Variants in COMMD10 observed in about 807,000 individuals in gnomAD.
COMMD10 encodes the protein COMM domain containing 10.
Under a neutral mutation model 28.9 loss-of-function variants are expected in COMMD10, and 33 were observed. The observed-to-expected ratio is 1.14, with a 90% CI of 0.87 to 1.53. The LOEUF is 1.53. Among genes scored for constraint, COMMD10 ranks in the 40% most tolerant of loss-of-function variants. The pLI, the probability that COMMD10 is intolerant of heterozygous loss-of-function variation, is 0.00. For missense variants in COMMD10, 310 were observed against 233.4 expected (o/e 1.33, Z -2.14); for synonymous variants, 110 against 81.7 (o/e 1.35, Z -1.87).
intron 5 of COMMD10, among the ~76,000 whole-genome samples, chr5:116,246,975 A>G (rs1749968687): frequency 6.6e-6 from 1 of 152,148 alleles, no homozygotes; most frequent in African/African-American, 2.4e-5. Context: ...AAATTGATAA[A>G]TGCGATCTGA....
At chr5:116,192,606 A>G (rs1459765034) in intron 5 of COMMD10, among the ~76,000 whole-genome samples, 1 of 152,204 alleles carries the variant, frequency 6.6e-6, no homozygotes, top group Non-Finnish European at 1.5e-5. Flanking sequence ...AATTAATCCA[A>G]TCCAACAAAG....
chr5:116,256,065 C>G (rs1300308775), intron 5 of COMMD10, among the ~76,000 whole-genome samples: 1 of 151,582 alleles, frequency 6.6e-6, no homozygotes, highest in Admixed American at 6.6e-5. Context: ...ACTGAAATTA[C>G]CTTCTATAAA....
chr5:116,175,581 A>G (rs1475626428), intron 5 of COMMD10, among the ~76,000 whole-genome samples: 1 of 151,402 alleles, frequency 6.6e-6, no homozygotes. Flanking sequence ...CCATGTTTGT[A>G]GCAGCAGAAT....
intron 5 of COMMD10, among the ~76,000 whole-genome samples, chr5:116,173,811 A>G (rs558817228): frequency 6.8e-6 from 1 of 146,596 alleles, no homozygotes; most frequent in South Asian, 2.2e-4. Flanking sequence ...TTTTTTTCCA[A>G]CTGTTTTTGG....
intron 5 of COMMD10, among the ~76,000 whole-genome samples, chr5:116,196,508 TA>T (rs11455689): frequency 4.9e-4 from 73 of 147,504 alleles, no homozygotes; most frequent in South Asian, 3.9e-3. Flanking sequence ...ATAAATATGT[TA>T]AAAAAAAAAA....
chr5:116,128,207 A>C (rs1751727462), intron 4 of COMMD10, among the ~76,000 whole-genome samples: 1 of 152,020 alleles, frequency 6.6e-6, no homozygotes, highest in South Asian at 2.1e-4. Context: ...TTACAGAGTA[A>C]TTGTAAGAAT....
At chr5:116,095,435 T>C (rs1205797271) in intron 4 of COMMD10, among the ~76,000 whole-genome samples, 1 of 152,218 alleles carries the variant, frequency 6.6e-6, no homozygotes, top group African/African-American at 2.4e-5. Flanking sequence ...GTGTATTAAA[T>C]ACATTTGTGA....
At chr5:116,092,724 A>T (rs774013583) in intron 4 of COMMD10, 24 bp downstream of exon 4, 9 of 1,473,580 alleles carry the variant, frequency 6.1e-6, no homozygotes, top group Non-Finnish European at 8.2e-6. Flanking sequence ...TGTCTTAAAT[A>T]TGTTTTTCAA....
chr5:116,265,156 A>C (rs558495039), intron 5 of COMMD10, among the ~76,000 whole-genome samples: 2 of 151,978 alleles, frequency 1.3e-5, no homozygotes, highest in South Asian at 4.1e-4. Context: ...AGAGAGCTAG[A>C]AATTGCAATT....
At chr5:116,263,852 A>T (rs1278292474) in intron 5 of COMMD10, among the ~76,000 whole-genome samples, 1 of 151,664 alleles carries the variant, frequency 6.6e-6, no homozygotes, top group Non-Finnish European at 1.5e-5. Context: ...AAATATATAA[A>T]ACCAAAATGT....
chr5:116,275,268 A>G (rs1239845750), intron 5 of COMMD10, among the ~76,000 whole-genome samples: 1 of 151,886 alleles, frequency 6.6e-6, no homozygotes, highest in African/African-American at 2.4e-5. Context: ...TCAAGCCACC[A>G]TCATCACAAA....
chr5:116,101,769 C>G (rs934400602), intron 4 of COMMD10, among the ~76,000 whole-genome samples: 3 of 152,170 alleles, frequency 2.0e-5, no homozygotes, highest in Non-Finnish European at 4.4e-5. Context: ...AAGATGATAG[C>G]TCATTGTGGC....
At chr5:116,196,930 TAGG>T (rs1748538794) in intron 5 of COMMD10, among the ~76,000 whole-genome samples, 1 of 152,182 alleles carries the variant, frequency 6.6e-6, no homozygotes, top group Admixed American at 6.5e-5. Flanking sequence ...AAATTAAGCT[TAGG>T]AGCATTTCTG....
chr5:116,186,473 T>C (rs1277257967), intron 5 of COMMD10, among the ~76,000 whole-genome samples: 1 of 152,118 alleles, frequency 6.6e-6, no homozygotes, highest in African/African-American at 2.4e-5. Flanking sequence ...ATCCTTTAAC[T>C]GGGAAACACT....
chr5:116,290,454 T>G (rs1751334517), intron 5 of COMMD10, among the ~76,000 whole-genome samples: 1 of 151,890 alleles, frequency 6.6e-6, no homozygotes, highest in African/African-American at 2.4e-5. Context: ...GTGAGATGCA[T>G]TTTCTGAACA....
chr5:116,185,106 G>A (rs1334416166), intron 5 of COMMD10, among the ~76,000 whole-genome samples: 1 of 152,134 alleles, frequency 6.6e-6, no homozygotes, highest in Non-Finnish European at 1.5e-5. Flanking sequence ...TAGAAAGGGA[G>A]ATATAAGTAC....
chr5:116,278,132 A>G (rs1750969202), intron 5 of COMMD10, among the ~76,000 whole-genome samples: 1 of 151,862 alleles, frequency 6.6e-6, no homozygotes, highest in Admixed American at 6.6e-5. Flanking sequence ...TCAGATATGT[A>G]CTTATCCTTA....
chr5:116,204,674 T>A (rs1406882712), intron 5 of COMMD10, among the ~76,000 whole-genome samples: 1 of 152,170 alleles, frequency 6.6e-6, no homozygotes, highest in Admixed American at 6.6e-5. Flanking sequence ...TCATTGACAC[T>A]TAATATGCTG....
chr5:116,185,865 T>C (rs934565841), intron 5 of COMMD10, among the ~76,000 whole-genome samples: 1 of 152,172 alleles, frequency 6.6e-6, no homozygotes, highest in African/African-American at 2.4e-5. Flanking sequence ...CTAATCACTT[T>C]ACTCTCATTT....
Sources: gnomAD v4.1 joint callset for allele counts (sites outside exome capture counted in the v4.1 genomes callset) on GRCh38, gnomAD v4.1.1 for gene constraint, MANE v1.5 for transcripts, NCBI Gene and HGNC (gene_info 2026-07-23, HGNC 2026-07-21) for gene names.